The following FAM193A variants were observed in gnomAD, a reference collection of about 807,000 sequenced individuals.
FAM193A encodes the protein family with sequence similarity 193 member A.
FAM193A carries 22 observed loss-of-function variants against 126.5 expected under a neutral mutation model. That is an observed-to-expected ratio of 0.17 (90% CI 0.12 to 0.25). FAM193A has a LOEUF of 0.25. FAM193A is among the 10% of genes least tolerant of loss of function. The pLI, the probability that FAM193A is intolerant of heterozygous loss-of-function variation, is 1.00. For missense variants in FAM193A, 1,675 were observed against 1,672.8 expected, an observed-to-expected ratio of 1.00 and a Z score of -0.02; for synonymous variants, 761 against 646.8, an observed-to-expected ratio of 1.18 and a Z score of -2.68.
At chr4:2,690,253 ACTC>A (rs1465042302) in intron 14 of FAM193A, among the ~76,000 whole-genome samples, 1 of 151,400 alleles carries the variant, frequency 6.6e-6, no homozygotes, top group Non-Finnish European at 1.5e-5. Context: ...GCTGGTACCT[ACTC>A]CTCATCTCTG....
intron 15 of FAM193A, 141 bp downstream of exon 15, chr4:2,691,111 C>A: frequency 2.8e-6 from 2 of 707,854 alleles, no homozygotes; most frequent in Non-Finnish European, 4.7e-6. Context: ...CCCAAAAATG[C>A]TCACACACAG....
At chr4:2,676,948 A>G (rs1370420600) in intron 13 of FAM193A, among the ~76,000 whole-genome samples, 1 of 152,150 alleles carries the variant, frequency 6.6e-6, no homozygotes, top group Non-Finnish European at 1.5e-5. Flanking sequence ...CTCAAAAAAA[A>G]AAAAATTTTC....
chr4:2,669,820 G>A (rs1713586945), intron 12 of FAM193A, among the ~76,000 whole-genome samples: 2 of 152,116 alleles, frequency 1.3e-5, no homozygotes, highest in South Asian at 4.1e-4. Flanking sequence ...CTGGCAGCCT[G>A]GCTTTCTCAA....
At chr4:2,673,368 A>G (rs1402068779) in intron 13 of FAM193A, among the ~76,000 whole-genome samples, 1 of 152,118 alleles carries the variant, frequency 6.6e-6, no homozygotes, top group African/African-American at 2.4e-5. Flanking sequence ...GTCACTGTGA[A>G]GTGGGGTACA....
chr4:2,536,646 G>T (rs1736888181), upstream of FAM193A: 1 of 150,604 alleles, frequency 6.6e-6, no homozygotes, highest in South Asian at 2.1e-4. Context: ...CGTAAACTGG[G>T]ATCCCTTTCC....
intron 2 of FAM193A, among the ~76,000 whole-genome samples, chr4:2,611,186 T>A (rs1490858898): frequency 6.6e-6 from 1 of 152,224 alleles, no homozygotes; most frequent in Non-Finnish European, 1.5e-5. Flanking sequence ...AAGTGCTGGA[T>A]ATTGGCAGTC....
At chr4:2,547,397 A>C (rs1291000962) in intron 1 of FAM193A, among the ~76,000 whole-genome samples, 1 of 152,042 alleles carries the variant, frequency 6.6e-6, no homozygotes, top group African/African-American at 2.4e-5. Flanking sequence ...CTTGTCTCAA[A>C]AAATAATAAT....
chr4:2,641,816 A>T (rs1302050522), intron 6 of FAM193A, among the ~76,000 whole-genome samples: 1 of 152,096 alleles, frequency 6.6e-6, no homozygotes, highest in Non-Finnish European at 1.5e-5. Flanking sequence ...GGACAAAAAG[A>T]TCAGAAGCTA....
chr4:2,680,771 A>G (rs1715014849), intron 13 of FAM193A, among the ~76,000 whole-genome samples: 1 of 151,698 alleles, frequency 6.6e-6, no homozygotes, highest in African/African-American at 2.4e-5. Flanking sequence ...CCTCCCATAT[A>G]GTTGGGATTA....
rs763651436 is a variant in FAM193A, at chr4:2,659,614, C to T, written c.1446C>T (p.His482=). The T allele has an allele frequency of 4.3e-6, 7 of 1,614,042 alleles. No individual in the cohort carries two copies. In the African/African-American group the frequency reaches 9.3e-5, roughly 22 times the overall value. ...GENNFTDTMR[H]MLSSRLSMPD... is the part of the protein sequence containing the mutation. Reference sequence around the variant, plus strand: ...ACAACTTCACAGACACCATGAGGCACATGTTATCGTCCCGGCTGAGCATGC... The same window carrying T: ...ACAACTTCACAGACACCATGAGGCATATGTTATCGTCCCGGCTGAGCATGC... Residue 482 remains histidine, a synonymous_variant, in exon 9 of 21, where the codon CAC becomes CAT. Transcript: ENST00000637812.
upstream of FAM193A, among the ~76,000 whole-genome samples, chr4:2,535,840 C>G (rs1736845127): frequency 6.6e-6 from 1 of 152,072 alleles, no homozygotes; most frequent in African/African-American, 2.4e-5. Flanking sequence ...TCGGGAAGAG[C>G]ACCCTTTAGG....
At chr4:2,606,654 A>G (rs1486816029) in intron 2 of FAM193A, among the ~76,000 whole-genome samples, 1 of 152,216 alleles carries the variant, frequency 6.6e-6, no homozygotes, top group Non-Finnish European at 1.5e-5. Context: ...GTGGCTTGTA[A>G]CATCACATGT....
chr4:2,589,261 T>A (rs1369146968), intron 1 of FAM193A, among the ~76,000 whole-genome samples: 1 of 152,276 alleles, frequency 6.6e-6, no homozygotes, highest in Non-Finnish European at 1.5e-5. Context: ...TATGCCTTCA[T>A]TAATGCCTTA....
At chr4:2,699,648 A>C in intron 18 of FAM193A, 32 bp from the exon 19 acceptor site, 1 of 1,564,560 alleles carries the variant, frequency 6.4e-7, no homozygotes, top group Non-Finnish European at 8.6e-7. Context: ...CACTCACTGT[A>C]GTCTTAAATT....
chr4:2,558,074 A>G (rs1738372251), intron 1 of FAM193A, among the ~76,000 whole-genome samples: 1 of 152,126 alleles, frequency 6.6e-6, no homozygotes, highest in Admixed American at 6.5e-5. Context: ...GGAGTTCAAG[A>G]CCAGTCTGGC....
chr4:2,559,975 T>G (rs1738511790), intron 1 of FAM193A, among the ~76,000 whole-genome samples: 2 of 151,886 alleles, frequency 1.3e-5, no homozygotes, highest in African/African-American at 4.8e-5. Context: ...CTTTTTTTTT[T>G]GAGATGGAGT....
At chr4:2,682,053 C>T (rs1428562882) in intron 13 of FAM193A, among the ~76,000 whole-genome samples, 6 of 142,138 alleles carry the variant, frequency 4.2e-5, no homozygotes, top group Non-Finnish European at 7.5e-5. Context: ...GATGCGATCT[C>T]GGCTCACTGC....
chr4:2,573,104 TTTC>T lies in FAM193A; in HGVS notation c.256-22970_256-22968del, dbSNP rs534327872. On this transcript the variant is annotated intron_variant, in intron 1 of 20. Coordinates refer to ENST00000637812, the MANE Select transcript of FAM193A (RefSeq NM_001366318.2). ...CAGTGTCAGATAAGCAGGAATCTCC[TTTC>T]TTCTTCTTCCTTTTTTTCCCGCCTC... Among the ~76,000 whole-genome samples, 39 of 152,272 alleles carry T rather than the reference TTTC, an allele frequency of 2.6e-4. No individual in the cohort carries two copies. In the South Asian group the frequency reaches 4.6e-3, roughly 18 times the overall value.
At position 2,695,057 on chromosome 4, in the gene FAM193A, C is replaced by T. The variant is rs1403779982; in HGVS notation, c.3204C>T (p.Thr1068=). 3.1e-6 allele frequency: 5 copies of T among 1,609,484 alleles called. No homozygotes were observed. In the East Asian group the frequency reaches 9.0e-5, roughly 29 times the overall value. Residue 1068 remains threonine, a synonymous_variant, in exon 17 of 21, where the codon ACC becomes ACT. Transcript: ENST00000637812. ...EDSCSEHSSS[T]STSTNQKEGK... ...GCTGCTCTGAGCACAGCTCCAGCAC[C>T]TCGACCTCCACCAACCAGAAGGAGG...
Sources: allele counts gnomAD v4.1 joint callset (sites outside exome capture counted in the v4.1 genomes callset), GRCh38; gene constraint gnomAD v4.1.1; transcripts MANE v1.5; gene names NCBI Gene and HGNC (gene_info 2026-07-23, HGNC 2026-07-21).